Variants in PGBD2 observed in about 807,000 individuals in gnomAD.
PGBD2 encodes piggyBac transposable element derived 2, also known as piggyBac transposable element-derived protein 2.
A neutral mutation model predicts 8.1 loss-of-function variants in PGBD2; 6 were observed. That is an observed-to-expected ratio of 0.74 (90% confidence interval 0.40 to 1.46). The LOEUF (loss-of-function observed/expected upper bound fraction) is 1.46. Among genes scored for constraint, PGBD2 ranks in the 40% most tolerant of loss-of-function variants. The pLI is 0.02. For synonymous variants in PGBD2, 318 were observed against 272.2 expected (o/e 1.17, Z -1.66); for missense variants, 802 against 739.0 (o/e 1.09, Z -0.99).
chr1:248,873,864 G>A, the PGBD2 span, among the ~76,000 whole-genome samples: 2 of 152,194 alleles, frequency 1.3e-5, no homozygotes, highest in Non-Finnish European at 2.9e-5. Context: ...TGTCAGGATG[G>A]CCGAGTGGTC....
the PGBD2 span, among the ~76,000 whole-genome samples, chr1:248,895,083 G>A: frequency 6.6e-6 from 1 of 152,124 alleles, no homozygotes; most frequent in Non-Finnish European, 1.5e-5. Context: ...GGAATTATAG[G>A]CTTGAGCCAT....
In PGBD2 at chr1:248,917,532, G is replaced by T. The variant is rs1396183551; in HGVS notation, c.948G>T (p.Leu316=). Residue 316 remains leucine (L), a synonymous_variant, in exon 3 of 3, where the codon CTG becomes CTT. Coordinates refer to ENST00000329291, the MANE Select transcript of PGBD2 (RefSeq NM_170725.3). ...LVWFEPSQGT[L]FTKPDRSLDL... ...GGTTTGAGCCCTCACAGGGCACACTGTTTACCAAGCCAGACAGGAGCTTGG... is the reference window on the plus strand; with the variant it reads ...GGTTTGAGCCCTCACAGGGCACACTTTTTACCAAGCCAGACAGGAGCTTGG... 6.2e-7 allele frequency: 1 copy of T among 1,614,050 alleles called. No homozygotes were observed. Among genetic ancestry groups the T allele is most frequent in the African/African-American group, 1.3e-5 (1 of 74,910 alleles).
chr1:248,924,437 A>G (rs780083268), downstream of PGBD2, among the ~76,000 whole-genome samples: 2 of 152,018 alleles, frequency 1.3e-5, no homozygotes, highest in Non-Finnish European at 2.9e-5. Context: ...ATTTTGCCAA[A>G]TTTTTTTTCA....
At chr1:248,910,450 A>T (rs1299534686) in intron 1 of PGBD2, among the ~76,000 whole-genome samples, 1 of 152,190 alleles carries the variant, frequency 6.6e-6, no homozygotes, top group Non-Finnish European at 1.5e-5. Flanking sequence ...CAGTGAGGGT[A>T]GGTACCATGA....
chr1:248,907,324 T>A (rs916375568), intron 1 of PGBD2, among the ~76,000 whole-genome samples: 1 of 152,254 alleles, frequency 6.6e-6, no homozygotes, highest in Admixed American at 6.5e-5. Context: ...CCTCCTGCCA[T>A]AGGGCAGTTT....
At chr1:248,896,030 C>G in the PGBD2 span, among the ~76,000 whole-genome samples, 1 of 152,004 alleles carries the variant, frequency 6.6e-6, no homozygotes, top group Non-Finnish European at 1.5e-5. Context: ...ACCCTTCCCC[C>G]GCCCCGAGTC....
chr1:248,912,983 G>T (rs1368753147), intron 1 of PGBD2, among the ~76,000 whole-genome samples: 2 of 151,876 alleles, frequency 1.3e-5, no homozygotes, highest in African/African-American at 4.8e-5. Context: ...TGTAGTTTTA[G>T]TAGACACGGG....
the PGBD2 span, among the ~76,000 whole-genome samples, chr1:248,899,034 A>C: frequency 6.6e-6 from 1 of 152,216 alleles, no homozygotes; most frequent in African/African-American, 2.4e-5. Flanking sequence ...TAAAGGGTTC[A>C]ATTAAACAAG....
At chr1:248,904,724 A>C (rs79213548), upstream of PGBD2, among the ~76,000 whole-genome samples, 34 of 152,266 alleles carry the variant, frequency 2.2e-4, no homozygotes, top group East Asian at 6.2e-3. Flanking sequence ...TTTGCTCTTC[A>C]TATTCTTTGG....
At chr1:248,876,772 C>T in the PGBD2 span, among the ~76,000 whole-genome samples, 1 of 152,182 alleles carries the variant, frequency 6.6e-6, no homozygotes, top group African/African-American at 2.4e-5. Flanking sequence ...CTCTACATCT[C>T]TGAAATAAAA....
Position 248,918,712 on chromosome 1 carries a change from G to C in PGBD2, c.*349G>C, listed in dbSNP as rs948158119. Reference sequence around the variant, plus strand: ...AGAACAGTAAGAAGACTTTACCATTGCATGCCATGGTTTATAATCTAAGAT... The same window carrying C: ...AGAACAGTAAGAAGACTTTACCATTCCATGCCATGGTTTATAATCTAAGAT... On this transcript the variant is annotated 3_prime_UTR_variant, in exon 3 of 3. Transcript: ENST00000329291. 6.0e-6 allele frequency: 1 copy of C among 167,740 alleles called. No homozygotes were observed. Among genetic ancestry groups the C allele is most frequent in the Non-Finnish European group, 1.5e-5 (1 of 68,694 alleles). The allele number at this position is 167,740 out of a possible 1,614,324, so 10.4% of individuals were successfully genotyped here.
At chr1:248,883,381 C>T in the PGBD2 span, among the ~76,000 whole-genome samples, 1 of 152,136 alleles carries the variant, frequency 6.6e-6, no homozygotes, top group Admixed American at 6.5e-5. Flanking sequence ...CTCGGCCTCC[C>T]AAAGTGCTGG....
intron 1 of PGBD2, among the ~76,000 whole-genome samples, chr1:248,908,950 A>T (rs1661764907): frequency 6.6e-6 from 1 of 152,114 alleles, no homozygotes; most frequent in African/African-American, 2.4e-5. Context: ...TGACTAGATC[A>T]GTTTCCGTTT....
intron 1 of PGBD2, among the ~76,000 whole-genome samples, chr1:248,908,701 A>G (rs907992547): frequency 6.7e-6 from 1 of 149,846 alleles, no homozygotes; most frequent in Non-Finnish European, 1.5e-5. Context: ...TTTTTTTTAA[A>G]CTTCCCATAG....
At chr1:248,883,584 C>CTTT in the PGBD2 span, among the ~76,000 whole-genome samples, 404 of 89,130 alleles carry the variant, frequency 4.5e-3, 19 homozygotes, top group African/African-American at 0.013. Context: ...TTTTTTTTTT[C>CTTT]TTTTTTTTTT....
At chr1:248,924,393 C>G (rs1365901425), downstream of PGBD2, among the ~76,000 whole-genome samples, 1 of 152,172 alleles carries the variant, frequency 6.6e-6, no homozygotes, top group Admixed American at 6.5e-5. Flanking sequence ...ATTTATTACC[C>G]TCAGCCAATT....
At chr1:248,905,058 C>T (rs1451822267), upstream of PGBD2, among the ~76,000 whole-genome samples, 1 of 152,152 alleles carries the variant, frequency 6.6e-6, no homozygotes, top group African/African-American at 2.4e-5. Flanking sequence ...GAAACACCAC[C>T]CTACCTTACC....
the PGBD2 span, among the ~76,000 whole-genome samples, chr1:248,882,059 G>A: frequency 6.6e-6 from 1 of 152,102 alleles, no homozygotes; most frequent in Non-Finnish European, 1.5e-5. Context: ...TTTATTGTGG[G>A]ATCTGGCCAG....
the PGBD2 span, among the ~76,000 whole-genome samples, chr1:248,882,588 G>A: frequency 2.0e-5 from 3 of 152,180 alleles, no homozygotes; most frequent in Non-Finnish European, 2.9e-5. Context: ...TAGAAGAGCC[G>A]TGGCAAGATG....
Sources: allele counts gnomAD v4.1 joint callset (sites outside exome capture counted in the v4.1 genomes callset), GRCh38; gene constraint gnomAD v4.1.1; transcripts MANE v1.5; gene names NCBI Gene and HGNC (gene_info 2026-07-23, HGNC 2026-07-21).